Variants in ASTN2 observed in about 807,000 individuals in gnomAD.
ASTN2 encodes astrotactin 2.
In ASTN2, 54 loss-of-function variants were observed where a neutral mutation model predicts 139.8. The observed-to-expected ratio is 0.39, with a 90% CI of 0.31 to 0.48. The LOEUF (loss-of-function observed/expected upper bound fraction) is 0.48, where lower values mean the gene tolerates loss of function less well. Ranked by LOEUF, ASTN2 falls within the 20% of genes least tolerant of loss-of-function variation. The pLI, the probability that ASTN2 is intolerant of heterozygous loss-of-function variation, is 0.95. For missense variants in ASTN2, 1,565 were observed against 1,725.1 expected, an observed-to-expected ratio of 0.91 and a Z score of 1.64; for synonymous variants, 756 against 719.5, an observed-to-expected ratio of 1.05 and a Z score of -0.81.
At chr9:116,550,417 A>G (rs1852290460) in intron 19 of ASTN2, among the ~76,000 whole-genome samples, 1 of 152,206 alleles carries the variant, frequency 6.6e-6, no homozygotes, top group African/African-American at 2.4e-5. Flanking sequence ...GCTTTAAAAA[A>G]CAGTTACTTT....
intron 1 of ASTN2, among the ~76,000 whole-genome samples, chr9:117,305,526 T>C (rs936398334): frequency 6.6e-6 from 1 of 152,200 alleles, no homozygotes; most frequent in Non-Finnish European, 1.5e-5. Context: ...CTCTATTAGT[T>C]GAATAACCTT....
intron 19 of ASTN2, among the ~76,000 whole-genome samples, chr9:116,607,179 T>A (rs1363135886): frequency 6.6e-6 from 1 of 152,306 alleles, no homozygotes; most frequent in East Asian, 1.9e-4. Flanking sequence ...TACACAGTGC[T>A]CAAGGAGTTA....
chr9:116,525,449 G>A (rs1195540721), intron 19 of ASTN2, among the ~76,000 whole-genome samples: 1 of 152,158 alleles, frequency 6.6e-6, no homozygotes, highest in Non-Finnish European at 1.5e-5. Context: ...TAGGAGTTAG[G>A]ACTTCCTCAT....
Position 116,725,907 on chromosome 9 carries a change from C to T in ASTN2, c.2670G>A (p.Arg890=). The T allele has an allele frequency of 6.2e-7, 1 of 1,613,948 alleles. No individual in the cohort carries two copies. Among genetic ancestry groups the T allele is most frequent in the South Asian group, 1.1e-5 (1 of 91,060 alleles). ...GCTGGATGAAGGACAGCAGCTCCTC[C>T]CGACTGCTCTCCTTGGTCAGGATCT... is the stretch of plus-strand genomic sequence containing the variant. ...VLKILTKESS[R]EELLSFIQHY... Residue 890 remains arginine, a synonymous_variant, in exon 16 of 23, where the codon CGG becomes CGA. Transcript: ENST00000313400.
chr9:116,642,295 G>A (rs1857382190), intron 17 of ASTN2, among the ~76,000 whole-genome samples: 1 of 151,736 alleles, frequency 6.6e-6, no homozygotes. Flanking sequence ...CCCTTATTCT[G>A]CTGTACTTTT....
intron 12 of ASTN2, among the ~76,000 whole-genome samples, chr9:116,813,303 A>G (rs976746623): frequency 6.6e-6 from 1 of 152,236 alleles, no homozygotes; most frequent in African/African-American, 2.4e-5. Flanking sequence ...TAGAGAGTGC[A>G]CCATAAAACC....
intron 8 of ASTN2, 56 bp from the exon 9 acceptor site, chr9:116,976,244 T>G: frequency 6.8e-7 from 1 of 1,460,770 alleles, no homozygotes; most frequent in East Asian, 2.3e-5. Flanking sequence ...CAGGTAGAAT[T>G]CACATGTGGA....
At chr9:116,818,637 A>G (rs947044755) in intron 12 of ASTN2, among the ~76,000 whole-genome samples, 6 of 152,244 alleles carry the variant, frequency 3.9e-5, no homozygotes, top group Non-Finnish European at 7.3e-5. Flanking sequence ...TGTCTAGTGC[A>G]TCAGGTCACT....
chr9:117,408,759 C>T (rs1300140192), intron 1 of ASTN2, among the ~76,000 whole-genome samples: 1 of 152,168 alleles, frequency 6.6e-6, no homozygotes, highest in Non-Finnish European at 1.5e-5. Context: ...TTGACCAAAT[C>T]TAAGCCTTGC....
intron 19 of ASTN2, among the ~76,000 whole-genome samples, chr9:116,545,529 A>G (rs1344636887): frequency 6.6e-6 from 1 of 152,172 alleles, no homozygotes; most frequent in Non-Finnish European, 1.5e-5. Flanking sequence ...CCATTAAGCA[A>G]TTTCATTGTA....
chr9:116,592,678 G>A (rs1854423504), intron 19 of ASTN2, among the ~76,000 whole-genome samples: 1 of 152,178 alleles, frequency 6.6e-6, no homozygotes. Context: ...ACAGAGGGGT[G>A]ACTATATGCA....
chr9:117,207,691 C>T (rs1419744110), intron 3 of ASTN2, among the ~76,000 whole-genome samples: 1 of 152,190 alleles, frequency 6.6e-6, no homozygotes, highest in Admixed American at 6.5e-5. Flanking sequence ...GGTACGCCCC[C>T]AGGCCAGCTG....
At chr9:116,718,972 G>GTGTGTGTGTGTGTATATATATATATA (rs56991546) in intron 16 of ASTN2, among the ~76,000 whole-genome samples, 1 of 100,000 alleles carries the variant, frequency 1.0e-5, no homozygotes, top group African/African-American at 3.8e-5. Flanking sequence ...ACCTGTATCT[G>GTGTGTGTGTGTGTATATATATATATA]TACATATATA....
At chr9:116,943,828 A>T (rs115114839) in intron 10 of ASTN2, among the ~76,000 whole-genome samples, 3,158 of 152,170 alleles carry the variant, frequency 0.021, 121 homozygotes, top group African/African-American at 0.073. Context: ...TTTCCATATT[A>T]TCCCATCCCA....
At chr9:116,967,605 C>T (rs965535590) in intron 10 of ASTN2, among the ~76,000 whole-genome samples, 12 of 152,212 alleles carry the variant, frequency 7.9e-5, no homozygotes, top group South Asian at 6.2e-4. Flanking sequence ...ACACATAACA[C>T]GCATGCACTC....
intron 17 of ASTN2, among the ~76,000 whole-genome samples, chr9:116,630,078 T>C (rs959217125): frequency 6.6e-6 from 1 of 152,232 alleles, no homozygotes; most frequent in Non-Finnish European, 1.5e-5. Context: ...AAGACTTTTC[T>C]ATTCCAAACA....
chr9:117,030,924 C>T (rs1300208995), intron 6 of ASTN2, among the ~76,000 whole-genome samples: 1 of 152,106 alleles, frequency 6.6e-6, no homozygotes, highest in Non-Finnish European at 1.5e-5. Context: ...CTGACTGAAG[C>T]CTAGCCTTGC....
At chr9:116,987,874 G>T (rs534255497) in intron 7 of ASTN2, among the ~76,000 whole-genome samples, 1 of 152,300 alleles carries the variant, frequency 6.6e-6, no homozygotes, top group South Asian at 2.1e-4. Flanking sequence ...TCTGATAACT[G>T]AGATGGCTAC....
intron 5 of ASTN2, among the ~76,000 whole-genome samples, chr9:117,089,772 TATG>T (rs1828659119): frequency 1.4e-5 from 2 of 146,460 alleles, no homozygotes; most frequent in Non-Finnish European, 3.0e-5. Flanking sequence ...AGTGAGAACA[TATG>T]ATGTTTGGTT....
Sources: allele counts gnomAD v4.1 joint callset (sites outside exome capture counted in the v4.1 genomes callset), GRCh38; gene constraint gnomAD v4.1.1; transcripts MANE v1.5; gene names NCBI Gene and HGNC (gene_info 2026-07-23, HGNC 2026-07-21).